NLGN4X: variants seen among roughly 807,000 people sequenced by gnomAD.
The protein encoded by NLGN4X is neuroligin 4 X-linked.
A neutral mutation model predicts 40.3 loss-of-function variants in NLGN4X; 3 were observed. The ratio of observed to expected loss-of-function variants is 0.07; its 90% CI spans 0.03 to 0.19. NLGN4X has a LOEUF of 0.19. Among genes scored for constraint, NLGN4X ranks in the 10% least tolerant of loss-of-function variants. The probability of loss-of-function intolerance (pLI) is 1.00; values close to 1 mark genes in which losing one functional copy is unlikely to be tolerated. For synonymous variants in NLGN4X, 270 were observed against 306.8 expected, an observed-to-expected ratio of 0.88 and a Z score of 1.25; for missense variants, 382 against 708.3, an observed-to-expected ratio of 0.54 and a Z score of 5.23.
At chrX:5,918,587 CT>C (rs1432382380) in intron 3 of NLGN4X, among the ~76,000 whole-genome samples, 5 of 112,422 alleles carry the variant, frequency 4.4e-5, no homozygotes, top group African/African-American at 1.6e-4. Context: ...AAGCTACACA[CT>C]AAAATTGTCC....
chrX:6,050,810 A>AT (rs1569208851), intron 2 of NLGN4X, among the ~76,000 whole-genome samples: 21 of 50,913 alleles, frequency 4.1e-4, no homozygotes, highest in African/African-American at 7.2e-4. Flanking sequence ...TATCTATCTA[A>AT]CTATCTATAT....
intron 2 of NLGN4X, among the ~76,000 whole-genome samples, chrX:6,090,328 T>C (rs1227906252): frequency 9.0e-6 from 1 of 111,020 alleles, no homozygotes; most frequent in Admixed American, 9.7e-5. Flanking sequence ...AAGCTACTAG[T>C]GGCACAGTGT....
At chrX:5,931,342 G>A (rs903454968) in intron 3 of NLGN4X, among the ~76,000 whole-genome samples, 1 of 112,332 alleles carries the variant, frequency 8.9e-6, no homozygotes, top group Non-Finnish European at 1.9e-5. Context: ...TTAGGAAATT[G>A]TTCCTGGAAC....
At chrX:6,106,180 T>C (rs776040814) in intron 2 of NLGN4X, among the ~76,000 whole-genome samples, 5 of 111,988 alleles carry the variant, frequency 4.5e-5, no homozygotes, top group Non-Finnish European at 9.4e-5. Flanking sequence ...ATCTGTCAGA[T>C]CAGGTTTTGC....
intron 1 of NLGN4X, among the ~76,000 whole-genome samples, chrX:6,200,016 G>C (rs1305398447): frequency 8.9e-6 from 1 of 111,983 alleles, no homozygotes; most frequent in African/African-American, 3.2e-5. Context: ...TCAGAAAACT[G>C]TGATAGCTGA....
chrX:5,924,193 A>G (rs1268535303), intron 3 of NLGN4X, among the ~76,000 whole-genome samples: 2 of 111,742 alleles, frequency 1.8e-5, no homozygotes, highest in African/African-American at 6.5e-5. Flanking sequence ...ATCTGGGTCC[A>G]CAGCAATTTG....
At chrX:5,968,834 C>A (rs1369336608) in intron 3 of NLGN4X, among the ~76,000 whole-genome samples, 1 of 109,055 alleles carries the variant, frequency 9.2e-6, no homozygotes, top group Non-Finnish European at 1.9e-5. Context: ...GTCTCCCCCA[C>A]CTATTTCTTC....
At chrX:6,076,083 C>T (rs922362411) in intron 2 of NLGN4X, among the ~76,000 whole-genome samples, 1 of 111,665 alleles carries the variant, frequency 9.0e-6, no homozygotes, top group African/African-American at 3.3e-5. Context: ...CTTCCCACAT[C>T]ATAAAAATTG....
intron 1 of NLGN4X, among the ~76,000 whole-genome samples, chrX:6,183,758 G>C (rs1921735562): frequency 9.0e-6 from 1 of 111,286 alleles, no homozygotes; most frequent in African/African-American, 3.3e-5. Context: ...AACTCATGTG[G>C]TACTATTTTA....
intron 2 of NLGN4X, among the ~76,000 whole-genome samples, chrX:6,066,298 T>C (rs1295105571): frequency 8.9e-6 from 1 of 112,244 alleles, no homozygotes; most frequent in Non-Finnish European, 1.9e-5. Context: ...TGTTAGCATG[T>C]TACCTCATCT....
chrX:6,225,859 G>C (rs1302595743), intron 1 of NLGN4X, among the ~76,000 whole-genome samples: 1 of 96,901 alleles, frequency 1.0e-5, no homozygotes, highest in African/African-American at 3.9e-5. Flanking sequence ...AAAAGCATAA[G>C]ATAAGAGCAA....
intron 2 of NLGN4X, among the ~76,000 whole-genome samples, chrX:6,144,767 G>A (rs763110816): frequency 9.0e-6 from 1 of 111,434 alleles, no homozygotes; most frequent in East Asian, 2.8e-4. Context: ...TCTCCCTATT[G>A]GAAGGTCTGC....
chrX:6,134,294 G>A (rs902985484), intron 2 of NLGN4X, among the ~76,000 whole-genome samples: 5 of 111,833 alleles, frequency 4.5e-5, no homozygotes, highest in African/African-American at 1.6e-4. Context: ...TAAGAGAATC[G>A]ATATTAATGT....
chrX:6,138,095 ATT>A (rs1464509452), intron 2 of NLGN4X, among the ~76,000 whole-genome samples: 2 of 111,981 alleles, frequency 1.8e-5, no homozygotes, highest in African/African-American at 6.5e-5. Flanking sequence ...ATATGCTGAC[ATT>A]TTGTCATAGG....
intron 2 of NLGN4X, among the ~76,000 whole-genome samples, chrX:6,148,561 G>A: frequency 9.0e-6 from 1 of 110,832 alleles, no homozygotes; most frequent in Admixed American, 9.6e-5. Flanking sequence ...ATGTTGCCAG[G>A]CTGGAGTGCA....
At chrX:5,950,265 G>GT (rs2146940981) in intron 3 of NLGN4X, among the ~76,000 whole-genome samples, 1 of 112,163 alleles carries the variant, frequency 8.9e-6, no homozygotes, top group African/African-American at 3.2e-5. Flanking sequence ...GAGATGTGTT[G>GT]TAAGTGTAAA....
chrX:5,903,981 T>C (rs903972927), intron 4 of NLGN4X, 115 bp from the exon 5 acceptor site: 6 of 935,562 alleles, frequency 6.4e-6, no homozygotes, highest in Admixed American at 2.4e-5. Context: ...CTGGATGTAG[T>C]AGCATTCAGC....
At chrX:6,061,253 C>T (rs1450669344) in intron 2 of NLGN4X, among the ~76,000 whole-genome samples, 1 of 111,232 alleles carries the variant, frequency 9.0e-6, no homozygotes, top group Non-Finnish European at 1.9e-5. Flanking sequence ...TGAACATGAG[C>T]GAGAAATCAA....
Position 5,892,722 on chromosome X carries a change from C to G in NLGN4X, c.*95G>C. ...GACAAAAACATTCCTGGTCTGGAGA[C>G]TTTCTTTCTCTCTCTCTTTCCTTCT... On this transcript the variant is annotated 3_prime_UTR_variant, in exon 6 of 6. Transcript: ENST00000381095. 1 of 1,138,337 alleles carries G rather than the reference C, an allele frequency of 8.8e-7. No homozygotes were observed. Among genetic ancestry groups the G allele is most frequent in the Non-Finnish European group, 1.2e-6 (1 of 843,683 alleles). 93.8% of individuals were successfully genotyped at this position (1,138,337 alleles called of 1,213,427 possible). A position where few individuals can be genotyped will look rare whatever the true frequency, so the allele number is the denominator to read the frequency against.
Sources: gnomAD v4.1 joint callset for allele counts (sites outside exome capture counted in the v4.1 genomes callset) on GRCh38, gnomAD v4.1.1 for gene constraint, MANE v1.5 for transcripts, NCBI Gene and HGNC (gene_info 2026-07-23, HGNC 2026-07-21) for gene names.